Variants in FAR1 observed in about 807,000 individuals in gnomAD.
The protein encoded by FAR1 is male sterility domain-containing protein 2.
Under a neutral mutation model 61.1 loss-of-function variants are expected in FAR1, and 22 were observed. The ratio of observed to expected loss-of-function variants is 0.36; its 90% CI spans 0.26 to 0.51. FAR1 has a LOEUF of 0.51. Ranked by LOEUF, FAR1 falls within the 20% of genes least tolerant of loss-of-function variation. The pLI is 0.95. For missense variants in FAR1, 359 were observed against 626.9 expected, an observed-to-expected ratio of 0.57 and a Z score of 4.56; for synonymous variants, 206 against 209.7, an observed-to-expected ratio of 0.98 and a Z score of 0.15.
rs753765140 is a variant in FAR1 at position 13,708,474 on chromosome 11, CACAT to C, written c.545+400_545+403del. Among the ~76,000 whole-genome samples, 1,029 of 126,974 alleles carry C rather than the reference CACAT, an allele frequency of 8.1e-3. 14 individuals are homozygous for C. The highest frequency in any genetic ancestry group is 0.026 in the African/African-American group (951 of 36,378). The allele number at this position is 126,974 out of a possible 152,430, so 83.3% of individuals were successfully genotyped here. ...ACACACACACACACACACACACACA[CACAT>C]ACATTTATCTCTTTTCTTCAAAAAT... On this transcript the variant is annotated intron_variant, in intron 4 of 11. Coordinates refer to ENST00000354817, the MANE Select transcript of FAR1 (RefSeq NM_032228.6).
chr11:13,723,394 A>G, intron 10 of FAR1: 1 of 419,510 alleles, frequency 2.4e-6, no homozygotes, highest in Non-Finnish European at 4.6e-6. Context: ...CCCCAAAAAA[A>G]AACTTTTTTA....
chr11:13,698,847 C>A lies in FAR1; in HGVS notation c.190-1470C>A, dbSNP rs148074868. 4.4e-4 allele frequency among the ~76,000 whole-genome samples: 66 copies of A among 151,362 alleles called. 1 individual carries two copies. The East Asian group carries it at 0.012, about 29-fold the overall frequency. ...CTCCGTCTCAAAAAAAAAAAAAAAT[C>A]TTTATCAGTAGTTCACCATGACTCC... On this transcript the variant is annotated intron_variant, in intron 2 of 11. Coordinates refer to ENST00000354817, the MANE Select transcript of FAR1 (RefSeq NM_032228.6).
rs146828440 is a variant in FAR1, at chr11:13,683,970, A to G, written c.-7-10789A>G. Among the ~76,000 whole-genome samples, 8 of 152,356 alleles carry G rather than the reference A, an allele frequency of 5.3e-5. No individual in the cohort carries two copies. In the East Asian group the frequency reaches 1.5e-3, roughly 29 times the overall value. On this transcript the variant is annotated intron_variant, in intron 1 of 11. Transcript: ENST00000354817. The stretch of plus-strand genomic sequence containing the variant: ...AATAAATGATGATACAGAAAGATGC[A>G]TACAAGTAGAGCCAGTCTAGACTTG...
At chr11:13,697,186 A>G (rs1309033084) in intron 2 of FAR1, among the ~76,000 whole-genome samples, 2 of 152,258 alleles carry the variant, frequency 1.3e-5, no homozygotes, top group Non-Finnish European at 1.5e-5. Context: ...ATGGCCTGTC[A>G]CGGTGGTTCA....
chr11:13,698,722 T>C (rs1199669946), intron 2 of FAR1, among the ~76,000 whole-genome samples: 5 of 151,774 alleles, frequency 3.3e-5, no homozygotes, highest in Non-Finnish European at 5.9e-5. Context: ...TCCCAGCTAC[T>C]CTGGAGGCTG....
At chr11:13,685,289 T>G (rs1332371815) in intron 1 of FAR1, among the ~76,000 whole-genome samples, 1 of 152,142 alleles carries the variant, frequency 6.6e-6, no homozygotes, top group Non-Finnish European at 1.5e-5. Flanking sequence ...CCTGATTTTT[T>G]TTTTTTTGTT....
At chr11:13,684,485 G>C (rs1009455854) in intron 1 of FAR1, among the ~76,000 whole-genome samples, 1 of 152,180 alleles carries the variant, frequency 6.6e-6, no homozygotes, top group African/African-American at 2.4e-5. Flanking sequence ...CTATAAGGTG[G>C]AGTTGGGTGG....
chr11:13,693,125 C>T (rs1848270608), intron 1 of FAR1, among the ~76,000 whole-genome samples: 1 of 151,938 alleles, frequency 6.6e-6, no homozygotes. Context: ...CTTCCCTGGG[C>T]CACATTGGAA....
intron 1 of FAR1, among the ~76,000 whole-genome samples, chr11:13,674,170 G>A (rs533146078): frequency 7.1e-4 from 108 of 152,078 alleles, no homozygotes; most frequent in South Asian, 1.2e-3. Flanking sequence ...TTAGCCGGGC[G>A]TGGTGGCGCC....
intron 3 of FAR1, among the ~76,000 whole-genome samples, chr11:13,706,064 G>A (rs1222326522): frequency 6.6e-6 from 1 of 151,968 alleles, no homozygotes; most frequent in African/African-American, 2.4e-5. Flanking sequence ...ATTTTAGAAA[G>A]TACTGAAAAC....
chr11:13,679,136 A>G (rs1182667277), intron 1 of FAR1, among the ~76,000 whole-genome samples: 3 of 152,124 alleles, frequency 2.0e-5, no homozygotes, highest in Non-Finnish European at 2.9e-5. Flanking sequence ...AGATATTGCA[A>G]TTCTGTTATA....
chr11:13,708,100 T>C, intron 4 of FAR1, 21 bp downstream of exon 4: 1 of 1,538,038 alleles, frequency 6.5e-7, no homozygotes, highest in Non-Finnish European at 8.8e-7. Flanking sequence ...TTGAAATTTA[T>C]ATACATTTAC....
chr11:13,699,411 G>A (rs1004763255), intron 2 of FAR1, among the ~76,000 whole-genome samples: 2 of 152,260 alleles, frequency 1.3e-5, no homozygotes, highest in South Asian at 4.1e-4. Flanking sequence ...AGTAGCAGTA[G>A]GAGCTATCAG....
intron 1 of FAR1, among the ~76,000 whole-genome samples, chr11:13,691,752 ATT>A (rs202073328): frequency 6.6e-6 from 1 of 152,158 alleles, no homozygotes; most frequent in East Asian, 1.9e-4. Flanking sequence ...ATAAACCACA[ATT>A]TGTTTATTCA....
Position 13,702,237 on chromosome 11 carries a change from CAT to C in FAR1, c.365+1746_365+1747del, listed in dbSNP as rs575880517. Among the ~76,000 whole-genome samples the C allele has an allele frequency of 7.9e-3, 1,206 of 152,054 alleles. 8 individuals carry two copies. The highest frequency in any genetic ancestry group is 0.013 in the Non-Finnish European group (854 of 67,964). On this transcript the variant is annotated intron_variant, in intron 3 of 11. Transcript: ENST00000354817. ...ATATATGTGTAGATGTATTTATGTA[CAT>C]GTCTTTCTATATTTGCTGATAATAC...
intron 1 of FAR1, among the ~76,000 whole-genome samples, chr11:13,693,305 G>A (rs1179605190): frequency 6.6e-6 from 1 of 152,216 alleles, no homozygotes; most frequent in Non-Finnish European, 1.5e-5. Flanking sequence ...CATTAAGGCC[G>A]GCAGCAGAGG....
chr11:13,689,769 T>C (rs949317748), intron 1 of FAR1, among the ~76,000 whole-genome samples: 1 of 152,194 alleles, frequency 6.6e-6, no homozygotes, highest in Non-Finnish European at 1.5e-5. Flanking sequence ...GAGTTCCAGT[T>C]ATTGTGCACC....
chr11:13,711,879 T>C (rs746712639), intron 6 of FAR1, 49 bp from the exon 7 acceptor site: 5 of 1,553,018 alleles, frequency 3.2e-6, no homozygotes, highest in Non-Finnish European at 4.4e-6. Flanking sequence ...TAAATATATA[T>C]ACACTATGGC....
At chr11:13,676,383 C>A (rs575969883) in intron 1 of FAR1, among the ~76,000 whole-genome samples, 11 of 152,128 alleles carry the variant, frequency 7.2e-5, no homozygotes, top group African/African-American at 2.2e-4. Context: ...TGCATAAATA[C>A]CTTTTTTTCC....
Sources: allele counts gnomAD v4.1 joint callset (sites outside exome capture counted in the v4.1 genomes callset), GRCh38; gene constraint gnomAD v4.1.1; transcripts MANE v1.5; gene names NCBI Gene and HGNC (gene_info 2026-07-23, HGNC 2026-07-21).